Variants in TPRG1 observed in about 807,000 individuals in gnomAD.
TPRG1 encodes the protein tumor protein p63-regulated gene 1 protein.
TPRG1 carries 29 observed loss-of-function variants against 29.3 expected under a neutral mutation model. The ratio of observed to expected loss-of-function variants is 0.99; its 90% CI spans 0.74 to 1.35. The LOEUF is 1.35. Among genes scored for constraint, TPRG1 ranks in the 40% most tolerant of loss-of-function variants. TPRG1 has a pLI of 0.00. For missense variants in TPRG1, 327 were observed against 335.0 expected (o/e 0.98, Z 0.19); for synonymous variants, 130 against 116.8 (o/e 1.11, Z -0.73).
At chr3:189,180,242 C>T (rs1045793750) in intron 1 of TPRG1, among the ~76,000 whole-genome samples, 5 of 152,098 alleles carry the variant, frequency 3.3e-5, no homozygotes, top group African/African-American at 7.2e-5. Flanking sequence ...CATATCATTC[C>T]ACCTCTGGTC....
At position 189,323,960 on chromosome 3, in the gene TPRG1, G is replaced by C. The variant is rs764969066; in HGVS notation, c.*3140G>C. 37 of 152,134 alleles carry C rather than the reference G, an allele frequency of 2.4e-4. No homozygotes were observed. The highest frequency in any genetic ancestry group is 5.1e-4 in the Non-Finnish European group (35 of 68,030). 9.4% of individuals were successfully genotyped at this position (152,134 alleles called of 1,614,324 possible). A position where few individuals can be genotyped will look rare whatever the true frequency, so the allele number is the denominator to read the frequency against. ...CTTCTGATACATCGTAGGCAGTTCTGAGGGTGAGAAAGTTCAAAGCAGATA... is the reference window on the plus strand; with the variant it reads ...CTTCTGATACATCGTAGGCAGTTCTCAGGGTGAGAAAGTTCAAAGCAGATA... On this transcript the variant is annotated 3_prime_UTR_variant, in exon 6 of 6. Coordinates refer to ENST00000345063, the MANE Select transcript of TPRG1 (RefSeq NM_198485.4).
chr3:189,195,725 T>G (rs1732426675), intron 1 of TPRG1, among the ~76,000 whole-genome samples: 1 of 152,048 alleles, frequency 6.6e-6, no homozygotes, highest in African/African-American at 2.4e-5. Flanking sequence ...GTGTCCAAGG[T>G]GTTGATGGGG....
At chr3:189,250,121 G>C (rs1264978892) in intron 4 of TPRG1, among the ~76,000 whole-genome samples, 2 of 152,084 alleles carry the variant, frequency 1.3e-5, no homozygotes, top group Non-Finnish European at 2.9e-5. Context: ...TGTAATTCCA[G>C]CCTTCCTAAT....
rs1728867833 is a variant in TPRG1 at position 189,171,978 on chromosome 3, G to C, written c.-163G>C. On this transcript the variant is annotated 5_prime_UTR_variant, in exon 1 of 6. Coordinates refer to ENST00000345063, the MANE Select transcript of TPRG1 (RefSeq NM_198485.4). ...GGCAGTGTAACTCTCAGCCTACTTG[G>C]TGAAGTGAGATTCAGACTGAGTGGG... The C allele has an allele frequency of 6.6e-6, 1 of 152,228 alleles. No homozygotes were observed. Among genetic ancestry groups the C allele is most frequent in the Non-Finnish European group, 1.5e-5 (1 of 68,086 alleles). 9.4% of individuals were successfully genotyped at this position (152,228 alleles called of 1,614,324 possible). A position where few individuals can be genotyped will look rare whatever the true frequency, so the allele number is the denominator to read the frequency against.
At chr3:189,303,202 A>C (rs1036993878) in intron 4 of TPRG1, among the ~76,000 whole-genome samples, 2 of 152,226 alleles carry the variant, frequency 1.3e-5, no homozygotes, top group African/African-American at 4.8e-5. Context: ...TCTAGGTCTT[A>C]AAATCTGGGT....
intron 4 of TPRG1, among the ~76,000 whole-genome samples, chr3:189,258,068 A>G (rs1200873046): frequency 6.6e-6 from 1 of 152,162 alleles, no homozygotes; most frequent in African/African-American, 2.4e-5. Flanking sequence ...GATCCTTTGG[A>G]GGAGAAGAGG....
chr3:189,316,537 A>T (rs1018097346), intron 5 of TPRG1, among the ~76,000 whole-genome samples: 7 of 152,174 alleles, frequency 4.6e-5, no homozygotes, highest in Admixed American at 4.6e-4. Context: ...TGATGGTTGT[A>T]ATAAGGAAAA....
At chr3:189,044,918 A>G (rs1714876429) in intron 4 of TPRG1, among the ~76,000 whole-genome samples, 2 of 152,198 alleles carry the variant, frequency 1.3e-5, no homozygotes, top group South Asian at 4.1e-4. Context: ...ATTAGATTTT[A>G]TGTCGAAGTG....
chr3:189,014,951 A>T (rs1251714786), intron 3 of TPRG1, among the ~76,000 whole-genome samples: 1 of 152,222 alleles, frequency 6.6e-6, no homozygotes, highest in Non-Finnish European at 1.5e-5. Flanking sequence ...GATACTTGAA[A>T]ATGTAAAAAG....
chr3:189,219,518 GA>G (rs5855244), intron 3 of TPRG1: 112,368 of 945,702 alleles, frequency 0.12, 951 homozygotes, highest in East Asian at 0.17. Flanking sequence ...TGGCCCTTCT[GA>G]AAAAAAAAAA....
intron 1 of TPRG1, among the ~76,000 whole-genome samples, chr3:189,175,285 G>T (rs1729333186): frequency 6.7e-6 from 1 of 148,894 alleles, no homozygotes; most frequent in Non-Finnish European, 1.5e-5. Context: ...TGGCTCAATA[G>T]ACGTGAGAAG....
intron 3 of TPRG1, among the ~76,000 whole-genome samples, chr3:189,134,505 C>T (rs1723501255): frequency 6.7e-6 from 1 of 149,478 alleles, no homozygotes; most frequent in African/African-American, 2.5e-5. Context: ...CTTGACTTCC[C>T]TGACTCAAGT....
At chr3:189,139,369 G>A (rs961824866) in intron 3 of TPRG1, among the ~76,000 whole-genome samples, 2 of 152,128 alleles carry the variant, frequency 1.3e-5, no homozygotes, top group African/African-American at 4.8e-5. Context: ...TGGGGGCCAG[G>A]ATCCTAGGGA....
In TPRG1 at chr3:189,163,962, T is replaced by G. The variant is rs561837640; in HGVS notation, c.-10+13090T>G. ...CTTTGGTTCTCAAAAAATATGCATTTTTTTTTCAAATAAGGTAAACTTTTT... is the reference window on the plus strand; with the variant it reads ...CTTTGGTTCTCAAAAAATATGCATTGTTTTTTCAAATAAGGTAAACTTTTT... On this transcript the variant is annotated intron_variant, in intron 5 of 6. Coordinates refer to the TPRG1 transcript ENST00000412373. Among the ~76,000 whole-genome samples, 4 of 99,738 alleles carry G rather than the reference T, an allele frequency of 4.0e-5. No individual in the cohort carries two copies. In the East Asian group the frequency reaches 6.8e-4, roughly 17 times the overall value. The allele number at this position is 99,738 out of a possible 152,430, so 65.4% of individuals were successfully genotyped here.
At chr3:189,102,581 G>A (rs4572757) in intron 1 of TPRG1, among the ~76,000 whole-genome samples, 65,494 of 151,912 alleles carry the variant, frequency 0.43, 19,126 homozygotes, top group African/African-American at 0.82. Flanking sequence ...ATCCCTTCAC[G>A]TCTGAATAAT....
At chr3:189,222,134 C>G (rs1252501569) in intron 3 of TPRG1, among the ~76,000 whole-genome samples, 3 of 152,130 alleles carry the variant, frequency 2.0e-5, no homozygotes, top group Admixed American at 6.5e-5. Flanking sequence ...CCAGATCTTT[C>G]TCTGGTTTTT....
intron 4 of TPRG1, among the ~76,000 whole-genome samples, chr3:189,073,452 A>G (rs1377188640): frequency 1.3e-5 from 2 of 152,156 alleles, no homozygotes; most frequent in Non-Finnish European, 2.9e-5. Flanking sequence ...GCCCCTTTGG[A>G]TGAAAGGTAT....
At chr3:189,098,349 G>C (rs1393117825), upstream of TPRG1, among the ~76,000 whole-genome samples, 1 of 152,184 alleles carries the variant, frequency 6.6e-6, no homozygotes, top group Non-Finnish European at 1.5e-5. Flanking sequence ...AGAGCATGAT[G>C]TCATCTGCTA....
In TPRG1 at chr3:189,130,168, T is replaced by C. The variant is rs555245031; in HGVS notation, c.-589-2231T>C. Reference sequence around the variant, plus strand: ...GTATGTACAGATCTTGGCACATACATCATGTGCCATGGGTTCTAGGCACAT... The same window carrying C: ...GTATGTACAGATCTTGGCACATACACCATGTGCCATGGGTTCTAGGCACAT... On this transcript the variant is annotated intron_variant, in intron 2 of 6. Coordinates refer to the TPRG1 transcript ENST00000412373. Among the ~76,000 whole-genome samples, 380 of 152,298 alleles carry C rather than the reference T, an allele frequency of 2.5e-3. 1 individual carries two copies. The highest frequency in any genetic ancestry group is 3.6e-3 in the Non-Finnish European group (243 of 68,012).
Sources: gnomAD v4.1 joint callset for allele counts (sites outside exome capture counted in the v4.1 genomes callset) on GRCh38, gnomAD v4.1.1 for gene constraint, MANE v1.5 for transcripts, NCBI Gene and HGNC (gene_info 2026-07-23, HGNC 2026-07-21) for gene names.